Variants in PDZRN4 observed in about 807,000 individuals in gnomAD.
The protein encoded by PDZRN4 is PDZ domain containing ring finger 4.
In PDZRN4, 70 loss-of-function variants were observed where a neutral mutation model predicts 99.0. The observed-to-expected ratio is 0.71, with a 90% confidence interval of 0.58 to 0.86. The LOEUF is 0.86. Among genes scored for constraint, PDZRN4 ranks in the 40% least tolerant of loss-of-function variants. The pLI, the probability that PDZRN4 is intolerant of heterozygous loss-of-function variation, is 0.00. For missense variants in PDZRN4, 1,474 were observed against 1,331.2 expected, an observed-to-expected ratio of 1.11 and a Z score of -1.67; for synonymous variants, 551 against 501.6, an observed-to-expected ratio of 1.10 and a Z score of -1.32.
intron 7 of PDZRN4, among the ~76,000 whole-genome samples, chr12:41,562,472 C>A (rs1429328053): frequency 6.6e-6 from 1 of 152,118 alleles, no homozygotes; most frequent in Non-Finnish European, 1.5e-5. Flanking sequence ...CATTTTCCAT[C>A]TGCTTCATTT....
At chr12:41,445,821 A>G (rs188605981) in intron 3 of PDZRN4, among the ~76,000 whole-genome samples, 221 of 152,076 alleles carry the variant, frequency 1.5e-3, no homozygotes, top group African/African-American at 4.9e-3. Context: ...TCTTCTTGTG[A>G]CTCATGTGAA....
At position 41,507,288 on chromosome 12, in the gene PDZRN4, A is replaced by G. The variant is rs150802831; in HGVS notation, c.1100+576A>G. ...GTGCTATCAAATAAAGATCTATTCA[A>G]GGAATACTTCCTCCTGATTTTTGCC... is the stretch of plus-strand genomic sequence containing the variant. On this transcript the variant is annotated intron_variant, in intron 4 of 9. Transcript: ENST00000402685. Among the ~76,000 whole-genome samples the G allele has an allele frequency of 4.4e-4, 67 of 152,304 alleles. 3 individuals are homozygous for G. The East Asian group carries it at 0.01, about 23-fold the overall frequency.
intron 7 of PDZRN4, among the ~76,000 whole-genome samples, chr12:41,557,148 CAAAAAAAAAAAA>C (rs112787721): frequency 8.6e-5 from 5 of 57,984 alleles, no homozygotes; most frequent in Non-Finnish European, 1.4e-4. Flanking sequence ...GAGACACTCT[CAAAAAAAAAAAA>C]AAAAAAAAAA....
chr12:41,454,190 G>T (rs971338707), intron 3 of PDZRN4, among the ~76,000 whole-genome samples: 1 of 152,060 alleles, frequency 6.6e-6, no homozygotes, highest in Non-Finnish European at 1.5e-5. Context: ...TCTATTGAAT[G>T]TTATCTTTGT....
chr12:41,466,750 T>TG (rs994182605), intron 3 of PDZRN4, among the ~76,000 whole-genome samples: 10 of 110,718 alleles, frequency 9.0e-5, no homozygotes, highest in African/African-American at 2.7e-4. Flanking sequence ...ATATTTCCAG[T>TG]GTTTTTTTTT....
chr12:41,210,784 A>G (rs1354312435), intron 3 of PDZRN4, among the ~76,000 whole-genome samples: 1 of 151,922 alleles, frequency 6.6e-6, no homozygotes, highest in Non-Finnish European at 1.5e-5. Flanking sequence ...CCTGTCATGG[A>G]TTGGTAGGTA....
intron 5 of PDZRN4, among the ~76,000 whole-genome samples, chr12:41,536,373 G>A (rs1343936175): frequency 6.6e-6 from 1 of 152,158 alleles, no homozygotes; most frequent in African/African-American, 2.4e-5. Flanking sequence ...TACATGGAAA[G>A]GCAAAACTAC....
chr12:41,218,722 C>T (rs747606185), intron 3 of PDZRN4, among the ~76,000 whole-genome samples: 26 of 152,002 alleles, frequency 1.7e-4, no homozygotes, highest in Non-Finnish European at 3.2e-4. Context: ...ATATATAACA[C>T]AAAGATTAAA....
intron 3 of PDZRN4, among the ~76,000 whole-genome samples, chr12:41,430,181 A>G (rs573131345): frequency 1.6e-4 from 24 of 152,316 alleles, no homozygotes; most frequent in African/African-American, 5.3e-4. Flanking sequence ...ATTAAAAGAA[A>G]CAAATAGGCC....
chr12:41,484,566 A>C (rs571165253), intron 3 of PDZRN4, among the ~76,000 whole-genome samples: 1 of 152,332 alleles, frequency 6.6e-6, no homozygotes, highest in South Asian at 2.1e-4. Context: ...GAATGCATAC[A>C]GGATATTTAA....
intron 3 of PDZRN4, among the ~76,000 whole-genome samples, chr12:41,247,553 G>A (rs547750204): frequency 4.6e-5 from 7 of 152,164 alleles, no homozygotes; most frequent in Admixed American, 1.3e-4. Context: ...AGGGTTCATC[G>A]CCCTTTTGAC....
intron 3 of PDZRN4, among the ~76,000 whole-genome samples, chr12:41,463,217 G>T (rs1952889157): frequency 6.6e-6 from 1 of 152,076 alleles, no homozygotes; most frequent in African/African-American, 2.4e-5. Context: ...ATGCCAAACT[G>T]GACAAACGGC....
chr12:41,571,422 T>TG (rs1565619171), intron 9 of PDZRN4, among the ~76,000 whole-genome samples: 1 of 145,030 alleles, frequency 6.9e-6, no homozygotes, highest in Admixed American at 6.9e-5. Context: ...TAAACATACA[T>TG]GCATGCCTAT....
At chr12:41,555,241 A>AAAAAGAAAAG (rs537949764) in intron 6 of PDZRN4, among the ~76,000 whole-genome samples, 14,028 of 119,636 alleles carry the variant, frequency 0.12, 1,903 homozygotes, top group African/African-American at 0.23. Context: ...AAAAAAAAAA[A>AAAAAGAAAAG]AAAAAAAAGA....
intron 3 of PDZRN4, among the ~76,000 whole-genome samples, chr12:41,464,012 T>C (rs1952898829): frequency 6.6e-6 from 1 of 152,148 alleles, no homozygotes; most frequent in Non-Finnish European, 1.5e-5. Flanking sequence ...ACCAGAGCTC[T>C]CATGGCTTCC....
At chr12:41,292,108 G>T (rs1322146743) in intron 3 of PDZRN4, among the ~76,000 whole-genome samples, 1 of 152,196 alleles carries the variant, frequency 6.6e-6, no homozygotes, top group Non-Finnish European at 1.5e-5. Flanking sequence ...AGAGAAAAAA[G>T]TGGGTCAGGC....
chr12:41,197,026 G>A lies in PDZRN4; in HGVS notation c.843+2838G>A, dbSNP rs141341053. On this transcript the variant is annotated intron_variant, in intron 3 of 9. Transcript: ENST00000402685. ...TGCACAATCTGACACATTACTAAAT[G>A]CTTTGAATTTACTGATATATAACTG... 6.8e-3 allele frequency among the ~76,000 whole-genome samples: 1,037 copies of A among 151,960 alleles called. 7 individuals carry two copies. The highest frequency in any genetic ancestry group is 0.024 in the African/African-American group (1,001 of 41,480).
intron 3 of PDZRN4, among the ~76,000 whole-genome samples, chr12:41,281,690 C>G (rs553723452): frequency 3.5e-4 from 53 of 152,104 alleles, no homozygotes; most frequent in Non-Finnish European, 1.3e-4. Flanking sequence ...AAGGAATGAA[C>G]AAAGCCTCCA....
chr12:41,323,799 T>G (rs1284726289), intron 3 of PDZRN4, among the ~76,000 whole-genome samples: 1 of 152,132 alleles, frequency 6.6e-6, no homozygotes, highest in East Asian at 1.9e-4. Flanking sequence ...TTTTATTTTA[T>G]TAATAAGTAT....
Sources: allele counts gnomAD v4.1 joint callset (sites outside exome capture counted in the v4.1 genomes callset), GRCh38; gene constraint gnomAD v4.1.1; transcripts MANE v1.5; gene names NCBI Gene and HGNC (gene_info 2026-07-23, HGNC 2026-07-21).